COL27A1: variants seen among roughly 807,000 people sequenced by gnomAD.
COL27A1 encodes collagen alpha-1(XXVII) chain.
A neutral mutation model predicts 251.3 loss-of-function variants in COL27A1; 106 were observed. The ratio of observed to expected loss-of-function variants is 0.42; its 90% confidence interval spans 0.36 to 0.50. The LOEUF is 0.50. Among genes scored for constraint, COL27A1 ranks in the 20% least tolerant of loss-of-function variants. The pLI is 0.00. For synonymous variants in COL27A1, 1,000 were observed against 986.3 expected (o/e 1.01, Z -0.26); for missense variants, 2,325 against 2,522.8 (o/e 0.92, Z 1.68).
At chr9:114,291,429 G>T (rs1469667500) in intron 48 of COL27A1, among the ~76,000 whole-genome samples, 8 of 152,126 alleles carry the variant, frequency 5.3e-5, no homozygotes, top group Non-Finnish European at 1.2e-4. Context: ...CGATGGCCTT[G>T]ACCCAGGGAA....
chr9:114,252,548 C>T (rs1250215952), intron 25 of COL27A1, 45 bp from the exon 26 acceptor site: 2 of 1,585,520 alleles, frequency 1.3e-6, no homozygotes, highest in East Asian at 4.5e-5. Context: ...AGAGCCACCC[C>T]ACAGCCATAG....
intron 10 of COL27A1, among the ~76,000 whole-genome samples, chr9:114,208,128 A>G (rs929134921): frequency 6.6e-6 from 1 of 152,168 alleles, no homozygotes; most frequent in Non-Finnish European, 1.5e-5. Context: ...TTACCTCTAC[A>G]GGGGGCTGAG....
chr9:114,245,724 G>A, intron 23 of COL27A1, 142 bp from the exon 24 acceptor site: 1 of 772,686 alleles, frequency 1.3e-6, no homozygotes, highest in South Asian at 1.5e-5. Context: ...TTTGTTGGGG[G>A]TCTCCAAGGC....
Position 114,167,767 on chromosome 9 carries a change from A to G in COL27A1, c.212A>G (p.Gln71Arg). ...SPAPPGVIPFQSGFIFTQRAR... is the reference protein window; with the variant it reads ...SPAPPGVIPFRSGFIFTQRAR... ...GCACCCCCGGGAGTCATTCCTTTCC[A>G]GTCGGGCTTCATCTTTACGCAGCGG... The change falls in exon 3 of 61, where the codon CAG becomes CGG. Residue 71 changes from glutamine (Q) to arginine (R), a missense_variant. Gln to Arg is a conservative substitution (Grantham distance 43). Transcript: ENST00000356083. The G allele has an allele frequency of 6.2e-7, 1 of 1,613,738 alleles. No individual in the cohort carries two copies. The highest frequency in any genetic ancestry group is 8.5e-7 in the Non-Finnish European group (1 of 1,180,000).
In COL27A1 at chr9:114,235,621, T is replaced by C; in HGVS notation, c.2588T>C (p.Val863Ala). Residue 863 changes from valine to alanine, a missense_variant, in exon 17 of 61, where the codon GTG (valine) becomes GCG (alanine). Val to Ala is a moderately conservative substitution (Grantham distance 64). This residue lies in a region of COL27A1 where 662 missense variants were observed against 795.3 expected (regional missense o/e 0.83). Transcript: ENST00000356083. Reference sequence around the variant, plus strand: ...TAGGGTGAACAAGGGGTTCCAGGTGTGTCAGGAGATCCCGGATTCCAAGGA... The same window carrying C: ...TAGGGTGAACAAGGGGTTCCAGGTGCGTCAGGAGATCCCGGATTCCAAGGA... ...GDKGEQGVPG[V>A]SGDPGFQGDK... is the part of the protein sequence containing the mutation. 1 of 1,613,940 alleles carries C rather than the reference T, an allele frequency of 6.2e-7. No individual in the cohort carries two copies. Among genetic ancestry groups the C allele is most frequent in the Non-Finnish European group, 8.5e-7 (1 of 1,179,846 alleles).
At chr9:114,283,911 G>T in intron 40 of COL27A1, 149 bp downstream of exon 40, 1 of 799,676 alleles carries the variant, frequency 1.3e-6, no homozygotes, top group Non-Finnish European at 2.0e-6. Flanking sequence ...CCCAGGGAGC[G>T]CTGGGCCCAG....
chr9:114,191,667 T>C (rs566747270), intron 5 of COL27A1, among the ~76,000 whole-genome samples: 1 of 152,368 alleles, frequency 6.6e-6, no homozygotes, highest in South Asian at 2.1e-4. Flanking sequence ...AGTCTATCAC[T>C]GATGCGCATT....
chr9:114,299,385 C>A (rs1828462331), intron 49 of COL27A1, among the ~76,000 whole-genome samples: 1 of 152,198 alleles, frequency 6.6e-6, no homozygotes, highest in Non-Finnish European at 1.5e-5. Context: ...CTCCAGGGGC[C>A]CCCAGCCCTC....
At position 114,312,010 on chromosome 9, in the gene COL27A1, G is replaced by A. The variant is rs1288692901; in HGVS notation, c.*1315G>A. The A allele has an allele frequency of 6.6e-6, 1 of 152,190 alleles. No individual in the cohort carries two copies. Among genetic ancestry groups the A allele is most frequent in the Non-Finnish European group, 1.5e-5 (1 of 68,044 alleles). The allele number at this position is 152,190 out of a possible 1,614,324, so 9.4% of individuals were successfully genotyped here. A position where few individuals can be genotyped will look rare whatever the true frequency, so the allele number is the denominator to read the frequency against. ...TGGGTCAAGGAGACAGAATAATAAT[G>A]GGAATCTCGGAGTTCGACACCATAG... On this transcript the variant is annotated 3_prime_UTR_variant, in exon 61 of 61. Transcript: ENST00000356083.
chr9:114,290,438 C>A lies in COL27A1; in HGVS notation c.4368+107C>A. 1.0e-6 allele frequency: 1 copy of A among 955,150 alleles called. No homozygotes were observed. The highest frequency in any genetic ancestry group is 1.4e-5 in the South Asian group (1 of 71,140). The allele number at this position is 955,150 out of a possible 1,614,324, so 59.2% of individuals were successfully genotyped here. ...GAGCCCGTTTGGAAACTTGGATGGG[C>A]AGAACCAACACATCCAGAAGTTCTC... On this transcript the variant is annotated intron_variant, in intron 47 of 60. Transcript: ENST00000356083. The surrounding 1 kb of genome is among the most constrained non-coding windows in gnomAD (Gnocchi z 4.6).
At chr9:114,171,731 G>A (rs138273735) in intron 3 of COL27A1, among the ~76,000 whole-genome samples, 13 of 152,236 alleles carry the variant, frequency 8.5e-5, no homozygotes, top group African/African-American at 2.9e-4. Flanking sequence ...CTCCCAGAGC[G>A]CTAGAATGAC....
chr9:114,189,696 C>T (rs1291685641), intron 5 of COL27A1, among the ~76,000 whole-genome samples: 1 of 152,072 alleles, frequency 6.6e-6, no homozygotes, highest in Non-Finnish European at 1.5e-5. Flanking sequence ...TACATAAGCC[C>T]TGCACATTTC....
At chr9:114,172,571 C>T (rs1473244141) in intron 3 of COL27A1, among the ~76,000 whole-genome samples, 6 of 152,086 alleles carry the variant, frequency 3.9e-5, no homozygotes, top group African/African-American at 1.4e-4. Flanking sequence ...TTTGGGAGGC[C>T]GAGGCAGGCG....
intron 2 of COL27A1, among the ~76,000 whole-genome samples, chr9:114,166,171 C>T (rs1176406966): frequency 2.6e-5 from 4 of 151,392 alleles, no homozygotes; most frequent in African/African-American, 7.3e-5. Flanking sequence ...ACCTGTTCAC[C>T]TGCCCATTTA....
chr9:114,300,018 G>T, intron 49 of COL27A1, 52 bp from the exon 50 acceptor site: 1 of 1,593,494 alleles, frequency 6.3e-7, no homozygotes, highest in South Asian at 1.1e-5. Context: ...TGGCTGGCGG[G>T]ACACGCTGAC....
intron 4 of COL27A1, among the ~76,000 whole-genome samples, chr9:114,181,773 C>T (rs571970725): frequency 1.5e-4 from 23 of 152,272 alleles, no homozygotes; most frequent in Admixed American, 9.2e-4. Context: ...GAAAATCCAG[C>T]GCCATGAATA....
chr9:114,268,079 A>G (rs1834869575), intron 34 of COL27A1, among the ~76,000 whole-genome samples: 1 of 152,208 alleles, frequency 6.6e-6, no homozygotes, highest in Non-Finnish European at 1.5e-5. Flanking sequence ...CTGTCATTCA[A>G]AGAGGGAGTT....
chr9:114,187,892 T>A (rs1165868883), intron 5 of COL27A1, among the ~76,000 whole-genome samples: 2 of 152,246 alleles, frequency 1.3e-5, no homozygotes, highest in African/African-American at 2.4e-5. Flanking sequence ...TATCTCCAAT[T>A]ATTTCATTAG....
In COL27A1 at chr9:114,224,063, A is replaced by C. The variant is rs574400036; in HGVS notation, c.2466+1796A>C. Among the ~76,000 whole-genome samples the C allele has an allele frequency of 1.7e-4, 25 of 148,612 alleles. 1 individual carries two copies. The South Asian group carries it at 5.5e-3, about 33-fold the overall frequency. ...TGGCTGGGGTTGAGGAAGTGTCAACACATGAGTCATAAATTTGTCATCCCT... is the reference window on the plus strand; with the variant it reads ...TGGCTGGGGTTGAGGAAGTGTCAACCCATGAGTCATAAATTTGTCATCCCT... On this transcript the variant is annotated intron_variant, in intron 14 of 60. Transcript: ENST00000356083.
Sources: allele counts gnomAD v4.1 joint callset (sites outside exome capture counted in the v4.1 genomes callset), GRCh38; gene constraint gnomAD v4.1.1; regional missense constraint gnomAD v4.1.1; non-coding constraint Gnocchi (gnomAD v3.1); transcripts MANE v1.5; gene names NCBI Gene and HGNC (gene_info 2026-07-23, HGNC 2026-07-21).